The following MAPK8IP2 variants were observed in gnomAD, a reference collection of about 807,000 sequenced individuals.
The protein encoded by MAPK8IP2 is C-Jun-amino-terminal kinase-interacting protein 2.
A neutral mutation model predicts 75.6 loss-of-function variants in MAPK8IP2; 15 were observed. That is an observed-to-expected ratio of 0.20 (90% CI 0.13 to 0.31). MAPK8IP2 has a LOEUF of 0.31. Ranked by LOEUF, MAPK8IP2 falls within the 10% of genes least tolerant of loss-of-function variation. The pLI is 1.00. For synonymous variants in MAPK8IP2, 632 were observed against 554.5 expected (o/e 1.14, Z -1.96); for missense variants, 1,089 against 1,211.2 (o/e 0.90, Z 1.50).
chr22:50,605,258 C>A, intron 5 of MAPK8IP2, 110 bp from the exon 6 acceptor site: 2 of 1,173,254 alleles, frequency 1.7e-6, no homozygotes, highest in Non-Finnish European at 2.5e-6. Flanking sequence ...CGTAGGACAC[C>A]TACACCGGAC....
rs899784047 is a variant in MAPK8IP2 at position 50,601,367 on chromosome 22, G to C, written c.66-422G>C. 2.6e-5 allele frequency: 5 copies of C among 188,710 alleles called. 1 individual carries two copies. Among genetic ancestry groups the C allele is most frequent in the Non-Finnish European group, 5.7e-5 (5 of 88,196 alleles). The allele number at this position is 188,710 out of a possible 1,614,324, so 11.7% of individuals were successfully genotyped here. A position where few individuals can be genotyped will look rare whatever the true frequency, so the allele number is the denominator to read the frequency against. On this transcript the variant is annotated intron_variant, in intron 1 of 11. Transcript: ENST00000329492. ...GAGGACGCTGGGCCTCTGGGTTTAGGCCTCACTCCGCCGGAGAGGGGGAGA... is the reference window on the plus strand; with the variant it reads ...GAGGACGCTGGGCCTCTGGGTTTAGCCCTCACTCCGCCGGAGAGGGGGAGA...
At chr22:50,606,831 G>A in intron 9 of MAPK8IP2, 66 bp downstream of exon 9, 1 of 1,595,308 alleles carries the variant, frequency 6.3e-7, no homozygotes, top group South Asian at 1.1e-5. Flanking sequence ...GTCCGACGGG[G>A]CCAGGCTGGC....
In MAPK8IP2 at chr22:50,603,894, C is replaced by A. The variant is rs1162853501; in HGVS notation, c.595C>A (p.Pro199Thr). 6.5e-7 allele frequency: 1 copy of A among 1,536,148 alleles called. No homozygotes were observed. The highest frequency in any genetic ancestry group is 1.4e-5 in the African/African-American group (1 of 72,860). Residue 199 changes from proline to threonine, a missense_variant, in exon 5 of 12, where the codon CCA becomes ACA. By Grantham distance (38) the Pro-to-Thr change is conservative. Around this residue, in one of 2 missense-constraint regions of MAPK8IP2, gnomAD observed 960 missense variants for 1,009.6 expected, o/e 0.95. Transcript: ENST00000329492. ...TDTGPGGAQS[P>T]VRPGCDCEGN... is the part of the protein sequence containing the mutation. ...CACCGGGCCCGGCGGGGCGCAGTCGCCAGTGCGCCCGGGTTGCGACTGCGA... is the reference window on the plus strand; with the variant it reads ...CACCGGGCCCGGCGGGGCGCAGTCGACAGTGCGCCCGGGTTGCGACTGCGA...
chr22:50,606,824 C>G, intron 9 of MAPK8IP2, 59 bp downstream of exon 9: 1 of 1,593,896 alleles, frequency 6.3e-7, no homozygotes, highest in East Asian at 2.2e-5. Flanking sequence ...CCACGGAGTC[C>G]GACGGGGCCA....
chr22:50,601,758 G>A, intron 1 of MAPK8IP2, 31 bp from the exon 2 acceptor site: 1 of 1,556,948 alleles, frequency 6.4e-7, no homozygotes, highest in Non-Finnish European at 8.9e-7. Flanking sequence ...GTCCAGGGTT[G>A]GTGGCTCTCT....
chr22:50,603,339 AGAGGAG>A lies in MAPK8IP2; in HGVS notation c.305_310del (p.Glu102_Glu103del), dbSNP rs572434194. On this transcript the variant is annotated inframe_deletion, in exon 3 of 12. Transcript: ENST00000329492. ...AAGAGGAGGACGATGAGGACGAGGA[AGAGGAG>A]GAGGAGGAGGAGGAGGGAGATGGGG... 7.0e-5 allele frequency: 109 copies of A among 1,555,076 alleles called. No individual in the cohort carries two copies. Among genetic ancestry groups the A allele is most frequent in the Non-Finnish European group, 8.6e-5 (99 of 1,152,448 alleles).
Position 50,603,944 on chromosome 22 carries a change from T to C in MAPK8IP2, c.645T>C (p.Pro215=), listed in dbSNP as rs765852234. The change falls in exon 5 of 12, where the codon CCT becomes CCC. Residue 215 remains proline, a synonymous_variant. Transcript: ENST00000329492. ...DCEGNRPAEP[P]APGGTSPSSD... ...AAGGGAACCGGCCTGCGGAACCCCC[T>C]GCGCCAGGGGGGACTTCGCCCTCCT... 5.2e-4 allele frequency: 799 copies of C among 1,544,086 alleles called. No homozygotes were observed. The highest frequency in any genetic ancestry group is 1.6e-3 in the Admixed American group (83 of 51,292).
rs2146695673 is a variant in MAPK8IP2 at position 50,610,468 on chromosome 22, G to A, written c.2402+158G>A. The stretch of plus-strand genomic sequence containing the variant: ...AGGGCAGTGGTGGGTGACAGTTTGG[G>A]GTGCTGGGCATGGGGTGGGAACAGG... On this transcript the variant is annotated intron_variant, in intron 11 of 11. Coordinates refer to ENST00000329492, the MANE Select transcript of MAPK8IP2 (RefSeq NM_012324.6). This position sits in a 1 kb window ranked among gnomAD's most constrained non-coding sequence, Gnocchi z 4.3. Among the ~76,000 whole-genome samples the A allele has an allele frequency of 6.6e-6, 1 of 152,054 alleles. No individual in the cohort carries two copies.
Position 50,605,602 on chromosome 22 carries a change from G to A in MAPK8IP2, c.1882G>A (p.Asp628Asn), listed in dbSNP as rs764068605. The A allele has an allele frequency of 6.2e-7, 1 of 1,605,902 alleles. No individual in the cohort carries two copies. Among genetic ancestry groups the A allele is most frequent in the South Asian group, 1.1e-5 (1 of 89,850 alleles). The change falls in exon 7 of 12, where the codon GAT (aspartate) becomes AAT (asparagine). Residue 628 changes from aspartate (D) to asparagine (N), a missense_variant. Coordinates refer to ENST00000329492, the MANE Select transcript of MAPK8IP2 (RefSeq NM_012324.6). The part of the protein sequence containing the change: ...RHPDELELDV[D>N]DPVLVEAEED... ...TCCAGACGAGCTGGAGCTGGATGTG[G>A]ATGACCCTGTGTTGGTGGAGGCCGA...
At position 50,604,938 on chromosome 22, in the gene MAPK8IP2, G is replaced by C. The variant is rs1416733244; in HGVS notation, c.1639G>C (p.Glu547Gln). The change falls in exon 5 of 12, where the codon GAG (glutamate) becomes CAG (glutamine). Residue 547 changes from glutamate (E) to glutamine (Q), a missense_variant. Physicochemically the swap from Glu to Gln is conservative, Grantham distance 29. Transcript: ENST00000329492. Reference protein sequence around the residue: ...EEDSGGEASEEEAGAALLGGG... With the variant: ...EEDSGGEASEQEAGAALLGGG... ...GGACAGCGGCGGGGAGGCCAGCGAG[G>C]AGGAGGCGGGCGCGGCGCTGCTAGG... 6.2e-7 allele frequency: 1 copy of C among 1,610,404 alleles called. No homozygotes were observed. The highest frequency in any genetic ancestry group is 2.2e-5 in the East Asian group (1 of 44,836).
In MAPK8IP2 at chr22:50,604,908, G is replaced by A. The variant is rs774267045; in HGVS notation, c.1609G>A (p.Glu537Lys). ...RRCAGLGHDSEEDSGGEASEE... is the reference protein window; with the variant it reads ...RRCAGLGHDSKEDSGGEASEE... ...CTGTGCTGGGCTGGGCCACGACAGC[G>A]AAGAGGACAGCGGCGGGGAGGCCAG... Residue 537 changes from glutamate (E) to lysine (K), a missense_variant, in exon 5 of 12, where the codon GAA (glutamate) becomes AAA (lysine). Coordinates refer to ENST00000329492, the MANE Select transcript of MAPK8IP2 (RefSeq NM_012324.6). 1 of 1,610,336 alleles carries A rather than the reference G, an allele frequency of 6.2e-7. No homozygotes were observed. Among genetic ancestry groups the A allele is most frequent in the Non-Finnish European group, 8.5e-7 (1 of 1,178,962 alleles).
intron 6 of MAPK8IP2, 30 bp downstream of exon 6, chr22:50,605,473 C>A: frequency 6.2e-7 from 1 of 1,612,254 alleles, no homozygotes. Context: ...TGGCGGTGGC[C>A]CCAGCCTCAG....
Position 50,606,694 on chromosome 22 carries a change from C to T in MAPK8IP2, c.2161C>T (p.Pro721Ser). 2 of 1,598,022 alleles carry T rather than the reference C, an allele frequency of 1.3e-6. No homozygotes were observed. The highest frequency in any genetic ancestry group is 1.7e-6 in the Non-Finnish European group (2 of 1,172,576). The change falls in exon 9 of 12, where the codon CCT becomes TCT. Residue 721 changes from proline to serine, a missense_variant. Coordinates refer to ENST00000329492, the MANE Select transcript of MAPK8IP2 (RefSeq NM_012324.6). ...CCGGAAACTGACCGTCCACCTGCGCCCTCCTGCCTCCTGTGACCTCGAGAT... is the reference window on the plus strand; with the variant it reads ...CCGGAAACTGACCGTCCACCTGCGCTCTCCTGCCTCCTGTGACCTCGAGAT... Reference protein sequence around the residue: ...TARKLTVHLRPPASCDLEISL... With the variant: ...TARKLTVHLRSPASCDLEISL...
In MAPK8IP2 at chr22:50,610,225, A is replaced by G. The variant is rs915180696; in HGVS notation, c.2317A>G (p.Ile773Val). The G allele has an allele frequency of 1.9e-6, 3 of 1,601,868 alleles. No homozygotes were observed. Among genetic ancestry groups the G allele is most frequent in the Non-Finnish European group, 2.6e-6 (3 of 1,174,810 alleles). Reference sequence around the variant, plus strand: ...ACTTGCCCGCAGCTATTTCGGCTTCATCACCAAACACCCCCTGCTGAGCCG... The same window carrying G: ...ACTTGCCCGCAGCTATTTCGGCTTCGTCACCAAACACCCCCTGCTGAGCCG... The part of the protein sequence containing the change: ...HPRNSCYFGF[I>V]TKHPLLSRFA... Residue 773 changes from isoleucine (I) to valine (V), a missense_variant, in exon 11 of 12, where the codon ATC becomes GTC. Transcript: ENST00000329492. This position sits in a 1 kb window ranked among gnomAD's most constrained non-coding sequence, Gnocchi z 4.3.
chr22:50,606,568 T>C, intron 8 of MAPK8IP2, 90 bp from the exon 9 acceptor site: 1 of 897,528 alleles, frequency 1.1e-6, no homozygotes, highest in Non-Finnish European at 1.8e-6. Context: ...AAACATAAGC[T>C]AAAAGGAGCA....
chr22:50,604,593 C>T lies in MAPK8IP2; in HGVS notation c.1294C>T (p.Pro432Ser). ...CGCGCCTCGACCCGGCCCCGCGCAG[C>T]CCGGGCCCTGCCTATTCCTCAGCAA... ...PAAPRPGPAQ[P>S]GPCLFLSNPT... Residue 432 changes from proline to serine, a missense_variant, in exon 5 of 12, where the codon CCC (proline) becomes TCC (serine). By Grantham distance (74) the Pro-to-Ser change is moderately conservative. This residue lies in a region of MAPK8IP2 where 960 missense variants were observed against 1,009.6 expected (regional missense o/e 0.95). Coordinates refer to ENST00000329492, the MANE Select transcript of MAPK8IP2 (RefSeq NM_012324.6). 2.1e-6 allele frequency: 3 copies of T among 1,451,964 alleles called. No individual in the cohort carries two copies. Among genetic ancestry groups the T allele is most frequent in the Non-Finnish European group, 1.8e-6 (2 of 1,110,716 alleles). The allele number at this position is 1,451,964 out of a possible 1,614,324, so 89.9% of individuals were successfully genotyped here.
Position 50,600,801 on chromosome 22 carries a change from G to A in MAPK8IP2, c.-18G>A, listed in dbSNP as rs761544571. 8.7e-5 allele frequency: 108 copies of A among 1,247,718 alleles called. No individual in the cohort carries two copies. The highest frequency in any genetic ancestry group is 1.0e-4 in the Non-Finnish European group (99 of 968,164). The allele number at this position is 1,247,718 out of a possible 1,614,324, so 77.3% of individuals were successfully genotyped here. On this transcript the variant is annotated 5_prime_UTR_variant, in exon 1 of 12. Coordinates refer to ENST00000329492, the MANE Select transcript of MAPK8IP2 (RefSeq NM_012324.6). The stretch of plus-strand genomic sequence containing the variant: ...CTCCCGCACCCCCCGCCGCAGTCGC[G>A]GGCCTCTCCCGGAGAAGATGGCGGA...
In MAPK8IP2 at chr22:50,606,880, G is replaced by T. The variant is rs770630403; in HGVS notation, c.2233-41G>T. 5 of 1,607,208 alleles carry T rather than the reference G, an allele frequency of 3.1e-6. No homozygotes were observed. The South Asian group carries it at 5.5e-5, about 18-fold the overall frequency. On this transcript the variant is annotated intron_variant, in intron 9 of 11. Coordinates refer to ENST00000329492, the MANE Select transcript of MAPK8IP2 (RefSeq NM_012324.6). ...AGGTGGGAGGCAGGGGTGGCGCCAG[G>T]CCTCCTTTGACACAGGGACTTCTGC... is the stretch of plus-strand genomic sequence containing the variant.
At chr22:50,609,887 G>A (rs1304647386) in intron 10 of MAPK8IP2, 1 of 554,006 alleles carries the variant, frequency 1.8e-6, no homozygotes, top group African/African-American at 1.9e-5. Context: ...CAGTAGCCAG[G>A]CAGAGGCCTT....
Sources: gnomAD v4.1 joint callset for allele counts (sites outside exome capture counted in the v4.1 genomes callset) on GRCh38, gnomAD v4.1.1 for gene constraint, gnomAD v4.1.1 regional missense constraint, Gnocchi (gnomAD v3.1) non-coding constraint, MANE v1.5 for transcripts, NCBI Gene and HGNC (gene_info 2026-07-23, HGNC 2026-07-21) for gene names.